GRID2: variants seen among roughly 807,000 people sequenced by gnomAD.
GRID2 encodes glutamate receptor ionotropic, delta-2.
GRID2 carries 33 observed loss-of-function variants against 114.8 expected under a neutral mutation model. The observed-to-expected ratio is 0.29, with a 90% CI of 0.22 to 0.38. The LOEUF (loss-of-function observed/expected upper bound fraction) is 0.38, where lower values mean the gene tolerates loss of function less well. Ranked by LOEUF, GRID2 falls within the 10% of genes least tolerant of loss-of-function variation. GRID2 has a pLI of 1.00. For missense variants in GRID2, 1,184 were observed against 1,257.7 expected (o/e 0.94, Z 0.89); for synonymous variants, 505 against 449.9 (o/e 1.12, Z -1.55).
chr4:92,882,317 A>G (rs2149459192), intron 2 of GRID2, among the ~76,000 whole-genome samples: 1 of 152,326 alleles, frequency 6.6e-6, no homozygotes, highest in South Asian at 2.1e-4. Context: ...TGTGGTTTAC[A>G]CATATTTGAA....
intron 13 of GRID2, among the ~76,000 whole-genome samples, chr4:93,522,883 AG>A (rs1730475688): frequency 6.6e-6 from 1 of 152,204 alleles, no homozygotes; most frequent in African/African-American, 2.4e-5. Context: ...AGACTGAAAA[AG>A]AAAGTACTGG....
At chr4:93,489,595 T>C (rs1726773637) in intron 11 of GRID2, among the ~76,000 whole-genome samples, 1 of 151,748 alleles carries the variant, frequency 6.6e-6, no homozygotes, top group African/African-American at 2.4e-5. Flanking sequence ...ACCACATAAG[T>C]AGTTCAGTAG....
chr4:93,678,316 G>C (rs1038898667), intron 14 of GRID2, among the ~76,000 whole-genome samples: 2 of 152,194 alleles, frequency 1.3e-5, no homozygotes, highest in Non-Finnish European at 2.9e-5. Flanking sequence ...GTACCTGAAA[G>C]TGACTGGGAG....
At chr4:92,815,576 C>G (rs963306245) in intron 2 of GRID2, among the ~76,000 whole-genome samples, 6 of 151,926 alleles carry the variant, frequency 3.9e-5, no homozygotes, top group African/African-American at 1.4e-4. Flanking sequence ...ATTGTACTAA[C>G]ACATGTTGAT....
chr4:93,666,525 G>A (rs896674869), intron 14 of GRID2, among the ~76,000 whole-genome samples: 3 of 152,076 alleles, frequency 2.0e-5, no homozygotes, highest in Non-Finnish European at 2.9e-5. Flanking sequence ...ACCTGGAACA[G>A]TGCCTTCCTG....
intron 2 of GRID2, among the ~76,000 whole-genome samples, chr4:92,839,378 A>AT (rs990158899): frequency 6.7e-6 from 1 of 149,260 alleles, no homozygotes; most frequent in Non-Finnish European, 1.5e-5. Flanking sequence ...TTAACTCGTC[A>AT]TTTGGCATTA....
At chr4:92,533,193 T>G (rs1579531094) in intron 1 of GRID2, among the ~76,000 whole-genome samples, 1 of 104,844 alleles carries the variant, frequency 9.5e-6, no homozygotes, top group African/African-American at 2.9e-5. Flanking sequence ...TGTTTTTTTG[T>G]TTTTTTTGTT....
intron 13 of GRID2, among the ~76,000 whole-genome samples, chr4:93,584,225 A>G (rs1332207609): frequency 6.6e-6 from 1 of 152,184 alleles, no homozygotes; most frequent in Non-Finnish European, 1.5e-5. Context: ...AGGCTCTCTT[A>G]TAACATAACT....
intron 2 of GRID2, among the ~76,000 whole-genome samples, chr4:92,893,346 C>T (rs1336985381): frequency 1.3e-5 from 2 of 152,256 alleles, no homozygotes; most frequent in East Asian, 3.9e-4. Context: ...TCCTTCAGAA[C>T]TCTTTATTCC....
At chr4:93,401,029 C>T (rs1216819752) in intron 9 of GRID2, among the ~76,000 whole-genome samples, 2 of 151,874 alleles carry the variant, frequency 1.3e-5, no homozygotes, top group Admixed American at 6.6e-5. Flanking sequence ...GACAGGGGCT[C>T]GCTATGTTGC....
chr4:92,402,400 T>G (rs1219866062), intron 1 of GRID2, among the ~76,000 whole-genome samples: 2 of 152,216 alleles, frequency 1.3e-5, no homozygotes, highest in Admixed American at 1.3e-4. Flanking sequence ...CCACTACTTA[T>G]GGCAGGTATC....
intron 1 of GRID2, among the ~76,000 whole-genome samples, chr4:92,567,824 A>C (rs139521073): frequency 6.6e-6 from 1 of 152,200 alleles, no homozygotes; most frequent in Non-Finnish European, 1.5e-5. Context: ...ATGAATTTCT[A>C]CTACTTACCT....
At chr4:93,584,161 G>A (rs1423116274) in intron 13 of GRID2, among the ~76,000 whole-genome samples, 2 of 152,024 alleles carry the variant, frequency 1.3e-5, no homozygotes, top group African/African-American at 4.8e-5. Flanking sequence ...AATTTACCTT[G>A]GGAAAAAACA....
chr4:92,928,182 T>C (rs985914413), intron 2 of GRID2, among the ~76,000 whole-genome samples: 1 of 151,726 alleles, frequency 6.6e-6, no homozygotes, highest in African/African-American at 2.4e-5. Context: ...CAGTCTATTT[T>C]ATTATCCTTA....
chr4:92,855,428 TCTA>T (rs1744106442), intron 2 of GRID2, among the ~76,000 whole-genome samples: 1 of 152,090 alleles, frequency 6.6e-6, no homozygotes, highest in Non-Finnish European at 1.5e-5. Context: ...ATGTATATTG[TCTA>T]CTAATAGATT....
intron 2 of GRID2, among the ~76,000 whole-genome samples, chr4:92,626,682 T>C (rs761957091): frequency 6.6e-6 from 1 of 152,084 alleles, no homozygotes; most frequent in African/African-American, 2.4e-5. Context: ...CAAAAACATA[T>C]GTAAAATCTT....
At chr4:93,719,618 G>A (rs1203920184) in intron 14 of GRID2, among the ~76,000 whole-genome samples, 2 of 152,162 alleles carry the variant, frequency 1.3e-5, no homozygotes, top group African/African-American at 4.8e-5. Flanking sequence ...GGGAAATTGA[G>A]TTTCTATGAT....
At chr4:92,496,185 A>G (rs1012689744) in intron 1 of GRID2, among the ~76,000 whole-genome samples, 1 of 151,872 alleles carries the variant, frequency 6.6e-6, no homozygotes, top group East Asian at 1.9e-4. Context: ...TTTATTTTAA[A>G]AAACTGATAT....
intron 8 of GRID2, among the ~76,000 whole-genome samples, chr4:93,351,986 A>G (rs1257145414): frequency 6.6e-6 from 1 of 151,854 alleles, no homozygotes; most frequent in African/African-American, 2.4e-5. Flanking sequence ...TCTATGACTC[A>G]CTCTAACTCT....
Sources: gnomAD v4.1 joint callset for allele counts (sites outside exome capture counted in the v4.1 genomes callset) on GRCh38, gnomAD v4.1.1 for gene constraint, MANE v1.5 for transcripts, NCBI Gene and HGNC (gene_info 2026-07-23, HGNC 2026-07-21) for gene names.